Variants in TRIM62 observed in about 807,000 individuals in gnomAD.
TRIM62 encodes E3 ubiquitin-protein ligase TRIM62.
In TRIM62, 39 loss-of-function variants were observed where a neutral mutation model predicts 44.2. The ratio of observed to expected loss-of-function variants is 0.88; its 90% confidence interval spans 0.68 to 1.15. TRIM62 has a LOEUF of 1.15. Ranked by LOEUF, TRIM62 falls within the 50% of genes most tolerant of loss-of-function variation. TRIM62 has a pLI of 0.00. For synonymous variants in TRIM62, 278 were observed against 292.3 expected (o/e 0.95, Z 0.50); for missense variants, 544 against 665.5 (o/e 0.82, Z 2.01).
chr1:33,179,486 C>T (rs1645444715), intron 1 of TRIM62, among the ~76,000 whole-genome samples: 1 of 152,184 alleles, frequency 6.6e-6, no homozygotes. Flanking sequence ...GTTTGAGTAT[C>T]TCGAGGCCAG....
intron 1 of TRIM62, among the ~76,000 whole-genome samples, chr1:33,169,180 C>G (rs1645353546): frequency 6.6e-6 from 1 of 152,166 alleles, no homozygotes; most frequent in African/African-American, 2.4e-5. Flanking sequence ...GACACAGACA[C>G]TTACATCATG....
chr1:33,159,619 C>G lies in TRIM62; in HGVS notation c.761+69G>C. 6.5e-7 allele frequency: 1 copy of G among 1,528,362 alleles called. No individual in the cohort carries two copies. The highest frequency in any genetic ancestry group is 1.2e-5 in the South Asian group (1 of 82,308). 94.7% of individuals were successfully genotyped at this position (1,528,362 alleles called of 1,614,324 possible). A position where few individuals can be genotyped will look rare whatever the true frequency, so the allele number is the denominator to read the frequency against. On this transcript the variant is annotated intron_variant, in intron 3 of 4. Transcript: ENST00000291416. This position sits in a 1 kb window ranked among gnomAD's most constrained non-coding sequence, Gnocchi z 4.2. ...CTGCTAAGGATCCCATCTGCCTCCA[C>G]TCCCACTGCCCAGCATGGGTCGAGG...
intron 4 of TRIM62, among the ~76,000 whole-genome samples, chr1:33,153,905 C>G (rs573890813): frequency 6.6e-6 from 1 of 152,338 alleles, no homozygotes; most frequent in African/African-American, 2.4e-5. Context: ...CCCTGACCCT[C>G]ACAGTTCACA....
At position 33,159,666 on chromosome 1, in the gene TRIM62, G is replaced by A; in HGVS notation, c.761+22C>T. The A allele has an allele frequency of 6.3e-7, 1 of 1,590,590 alleles. No individual in the cohort carries two copies. Among genetic ancestry groups the A allele is most frequent in the Non-Finnish European group, 8.6e-7 (1 of 1,168,756 alleles). ...GAGGAGGGGATGGTCAGCCGGGGAG[G>A]GCCCCGGCGGGTGGCACTTACCGCT... On this transcript the variant is annotated intron_variant, in intron 3 of 4. Transcript: ENST00000291416. This position sits in a 1 kb window ranked among gnomAD's most constrained non-coding sequence, Gnocchi z 4.2.
chr1:33,176,328 C>T (rs944211285), intron 1 of TRIM62: 29 of 620,086 alleles, frequency 4.7e-5, no homozygotes, highest in Admixed American at 1.7e-4. Flanking sequence ...AAACCAGAGC[C>T]GAAATTTGAA....
chr1:33,148,149 A>G lies in TRIM62; in HGVS notation c.878-422T>C, dbSNP rs549079937. ...TGAGTGTGTTCAGGTTGTCTTAACAACAGCTGGGATCCAGGGATGCTAAAG... is the reference window on the plus strand; with the variant it reads ...TGAGTGTGTTCAGGTTGTCTTAACAGCAGCTGGGATCCAGGGATGCTAAAG... On this transcript the variant is annotated intron_variant, in intron 4 of 4. Transcript: ENST00000291416. Among the ~76,000 whole-genome samples the G allele has an allele frequency of 9.2e-5, 14 of 152,288 alleles. No homozygotes were observed. The East Asian group carries it at 2.5e-3, about 27-fold the overall frequency.
rs987651255 is a variant in TRIM62, at chr1:33,165,395, T to C, written c.504+76A>G. The C allele has an allele frequency of 7.3e-7, 1 of 1,371,366 alleles. No homozygotes were observed. The highest frequency in any genetic ancestry group is 1.4e-5 in the African/African-American group (1 of 69,234). 84.9% of individuals were successfully genotyped at this position (1,371,366 alleles called of 1,614,324 possible). ...CGCACACCCGAGGCCCCGCCCCTCTTCCCCAGCTGGCCCCGCCCCTCGAAG... is the reference window on the plus strand; with the variant it reads ...CGCACACCCGAGGCCCCGCCCCTCTCCCCCAGCTGGCCCCGCCCCTCGAAG... On this transcript the variant is annotated intron_variant, in intron 2 of 4. Coordinates refer to ENST00000291416, the MANE Select transcript of TRIM62 (RefSeq NM_018207.3). This position sits in a 1 kb window ranked among gnomAD's most constrained non-coding sequence, Gnocchi z 4.0.
In TRIM62 at chr1:33,147,190, G is replaced by A. The variant is rs1202086407; in HGVS notation, c.1415C>T (p.Thr472Ile). ...CTTCTGCCTGGACTAGATGCGGACG[G>A]TGTTGATCCGCAGCGGCTGAACGTT... is the stretch of plus-strand genomic sequence containing the variant. The part of the protein sequence containing the change: ...GKNVQPLRIN[T>I]VRI Residue 472 changes from threonine to isoleucine, a missense_variant, in exon 5 of 5, where the codon ACC becomes ATC. Thr to Ile is a moderately conservative substitution (Grantham distance 89). Coordinates refer to ENST00000291416, the MANE Select transcript of TRIM62 (RefSeq NM_018207.3). This position sits in a 1 kb window ranked among gnomAD's most constrained non-coding sequence, Gnocchi z 8.1. 6.2e-7 allele frequency: 1 copy of A among 1,613,702 alleles called. No individual in the cohort carries two copies. The highest frequency in any genetic ancestry group is 8.5e-7 in the Non-Finnish European group (1 of 1,179,992).
At chr1:33,174,322 C>T (rs1294501685) in intron 1 of TRIM62, among the ~76,000 whole-genome samples, 1 of 152,148 alleles carries the variant, frequency 6.6e-6, no homozygotes, top group Non-Finnish European at 1.5e-5. Flanking sequence ...GCTGGGACTA[C>T]AGGTGCATGA....
chr1:33,157,449 T>C (rs568815312), intron 4 of TRIM62, among the ~76,000 whole-genome samples: 159 of 152,272 alleles, frequency 1.0e-3, no homozygotes, highest in African/African-American at 3.6e-3. Flanking sequence ...CTGGACCACC[T>C]GTCTAAAATC....
chr1:33,152,573 G>GAAAAAA (rs34380913), intron 4 of TRIM62, among the ~76,000 whole-genome samples: 1 of 102,822 alleles, frequency 9.7e-6, no homozygotes, highest in African/African-American at 4.0e-5. Flanking sequence ...GTCTCAAAAA[G>GAAAAAA]AAAAAAAAAA....
rs1387373104 is a variant in TRIM62 at position 33,176,495 on chromosome 1, G to A, written c.408+4530C>T. The A allele has an allele frequency of 4.4e-6, 3 of 680,206 alleles. No homozygotes were observed. In the Admixed American group the frequency reaches 6.1e-5, roughly 14 times the overall value. 42.1% of individuals were successfully genotyped at this position (680,206 alleles called of 1,614,324 possible). On this transcript the variant is annotated intron_variant, in intron 1 of 4. Coordinates refer to ENST00000291416, the MANE Select transcript of TRIM62 (RefSeq NM_018207.3). ...GGGCTCCAATGGTCACATGAGGCCTGGAGGGGGCGGCTGAGACTGAATCGG... is the reference window on the plus strand; with the variant it reads ...GGGCTCCAATGGTCACATGAGGCCTAGAGGGGGCGGCTGAGACTGAATCGG...
Position 33,181,262 on chromosome 1 carries a change from G to A in TRIM62, c.171C>T (p.Phe57=). The A allele has an allele frequency of 6.5e-7, 1 of 1,548,170 alleles. No homozygotes were observed. Among genetic ancestry groups the A allele is most frequent in the Non-Finnish European group, 8.7e-7 (1 of 1,152,540 alleles). ...GGCTGGGCGCCAGCGCGGGCTCGGCGAACGTGCGCCGGCACTCGGGGCAGT... is the reference window on the plus strand; with the variant it reads ...GGCTGGGCGCCAGCGCGGGCTCGGCAAACGTGCGCCGGCACTCGGGGCAGT... ...ARDCPECRRT[F]AEPALAPSLK... The change falls in exon 1 of 5, where the codon TTC becomes TTT. Residue 57 remains phenylalanine (F), a synonymous_variant. Transcript: ENST00000291416. The surrounding 1 kb of genome is among the most constrained non-coding windows in gnomAD (Gnocchi z 6.5).
Position 33,159,693 on chromosome 1 carries a change from G to T in TRIM62, c.756C>A (p.Ser252=). ...CCCCGGCGGGTGGCACTTACCGCTCGGACAGTGAGGCCACCCCAGCCAGGA... is the reference window on the plus strand; with the variant it reads ...CCCCGGCGGGTGGCACTTACCGCTCTGACAGTGAGGCCACCCCAGCCAGGA... ...HTFLAGVASL[S]ERLKGKIHET... is the part of the protein sequence containing the mutation. The change falls in exon 3 of 5, where the codon TCC becomes TCA. Residue 252 remains serine, a synonymous_variant. Coordinates refer to ENST00000291416, the MANE Select transcript of TRIM62 (RefSeq NM_018207.3). This position sits in a 1 kb window ranked among gnomAD's most constrained non-coding sequence, Gnocchi z 4.2. 1.9e-6 allele frequency: 3 copies of T among 1,606,890 alleles called. No homozygotes were observed. The highest frequency in any genetic ancestry group is 2.5e-6 in the Non-Finnish European group (3 of 1,178,098).
At chr1:33,175,586 G>C (rs1250987689) in intron 1 of TRIM62, among the ~76,000 whole-genome samples, 2 of 152,142 alleles carry the variant, frequency 1.3e-5, no homozygotes, top group East Asian at 3.9e-4. Flanking sequence ...GTGCTCCCTG[G>C]GACAGTTGGC....
chr1:33,146,980 C>A lies in TRIM62; in HGVS notation c.*197G>T. On this transcript the variant is annotated 3_prime_UTR_variant, in exon 5 of 5. Coordinates refer to ENST00000291416, the MANE Select transcript of TRIM62 (RefSeq NM_018207.3). ...TGTATCCCTATCAAGGTCAGAGCTA[C>A]AGAACATCGATGCTGGAAGAGAGTT... The A allele has an allele frequency of 1.6e-6, 1 of 621,978 alleles. No homozygotes were observed. Among genetic ancestry groups the A allele is most frequent in the South Asian group, 2.0e-5 (1 of 50,160 alleles). The allele number at this position is 621,978 out of a possible 1,614,324, so 38.5% of individuals were successfully genotyped here.
chr1:33,172,127 G>A (rs536725879), intron 1 of TRIM62, among the ~76,000 whole-genome samples: 32 of 152,310 alleles, frequency 2.1e-4, no homozygotes, highest in African/African-American at 7.5e-4. Context: ...CCATAGGCTT[G>A]CTCTGGGAAT....
chr1:33,180,988 G>T, intron 1 of TRIM62, 37 bp downstream of exon 1: 1 of 646,232 alleles, frequency 1.5e-6, no homozygotes, highest in South Asian at 2.8e-5. Context: ...CCTCCAGCCC[G>T]GCCCCGCCCC....
At chr1:33,149,406 G>A (rs1035887317) in intron 4 of TRIM62, among the ~76,000 whole-genome samples, 2 of 145,080 alleles carry the variant, frequency 1.4e-5, no homozygotes, top group South Asian at 2.2e-4. Context: ...TGCCCACCTC[G>A]GCCTCCCAAA....
Sources: allele counts gnomAD v4.1 joint callset (sites outside exome capture counted in the v4.1 genomes callset), GRCh38; gene constraint gnomAD v4.1.1; non-coding constraint Gnocchi (gnomAD v3.1); transcripts MANE v1.5; gene names NCBI Gene and HGNC (gene_info 2026-07-23, HGNC 2026-07-21).